CNTNAP2: variants seen among roughly 807,000 people sequenced by gnomAD.
CNTNAP2 encodes the protein contactin associated protein 2.
Under a neutral mutation model 155.2 loss-of-function variants are expected in CNTNAP2, and 98 were observed. The ratio of observed to expected loss-of-function variants is 0.63; its 90% CI spans 0.54 to 0.75. The LOEUF (loss-of-function observed/expected upper bound fraction) is 0.75, where lower values mean the gene tolerates loss of function less well. Among genes scored for constraint, CNTNAP2 ranks in the 30% least tolerant of loss-of-function variants. The pLI, the probability that CNTNAP2 is intolerant of heterozygous loss-of-function variation, is 0.00. For synonymous variants in CNTNAP2, 651 were observed against 631.2 expected (o/e 1.03, Z -0.47); for missense variants, 1,727 against 1,688.1 (o/e 1.02, Z -0.40).
rs146793679 is a variant in CNTNAP2 at position 146,197,300 on chromosome 7, A to G, written c.97+80327A>G. Among the ~76,000 whole-genome samples, 36 of 152,340 alleles carry G rather than the reference A, an allele frequency of 2.4e-4. 1 individual carries two copies. The highest frequency in any genetic ancestry group is 8.7e-4 in the African/African-American group (36 of 41,582). On this transcript the variant is annotated intron_variant, in intron 1 of 23. Transcript: ENST00000361727. ...ATTATTTGTAGGAACTTACTAAAGA[A>G]TGTCTGTTTGCACAAGTTTAAAATT...
chr7:147,025,717 C>T (rs1396842615), intron 3 of CNTNAP2, among the ~76,000 whole-genome samples: 1 of 151,914 alleles, frequency 6.6e-6, no homozygotes, highest in Non-Finnish European at 1.5e-5. Flanking sequence ...AGGCAAAACC[C>T]ATCAAACTTA....
At chr7:147,739,612 G>GA (rs1554429186) in intron 13 of CNTNAP2, among the ~76,000 whole-genome samples, 1 of 151,820 alleles carries the variant, frequency 6.6e-6, no homozygotes, top group Non-Finnish European at 1.5e-5. Flanking sequence ...TTATTTCAGA[G>GA]AAAATCATCC....
At chr7:146,149,857 C>A in intron 1 of CNTNAP2, among the ~76,000 whole-genome samples, 1 of 134,292 alleles carries the variant, frequency 7.4e-6, no homozygotes. Flanking sequence ...CATAGAAACA[C>A]ACAAACAGCA....
At chr7:146,564,635 T>C (rs1330497217) in intron 1 of CNTNAP2, among the ~76,000 whole-genome samples, 2 of 149,958 alleles carry the variant, frequency 1.3e-5, no homozygotes, top group African/African-American at 4.9e-5. Context: ...ATTAAAAATA[T>C]GTATAAACAT....
At chr7:147,626,920 C>A (rs1467882118) in intron 12 of CNTNAP2, among the ~76,000 whole-genome samples, 1 of 152,230 alleles carries the variant, frequency 6.6e-6, no homozygotes, top group East Asian at 1.9e-4. Flanking sequence ...GTCTACCTCA[C>A]TTCGCTGCCA....
In CNTNAP2 at chr7:148,418,989, G is replaced by A. The variant is rs1217766649; in HGVS notation, c.*3373G>A. 6.6e-6 allele frequency: 1 copy of A among 152,254 alleles called. No homozygotes were observed. Among genetic ancestry groups the A allele is most frequent in the Non-Finnish European group, 1.5e-5 (1 of 68,060 alleles). The allele number at this position is 152,254 out of a possible 1,614,324, so 9.4% of individuals were successfully genotyped here. A position where few individuals can be genotyped will look rare whatever the true frequency, so the allele number is the denominator to read the frequency against. On this transcript the variant is annotated 3_prime_UTR_variant, in exon 24 of 24. Transcript: ENST00000361727. ...GAGCTGGGCACAGGCGAAGCCATTG[G>A]AAGCACTTCAGGAACAAGCACACAG...
At chr7:148,071,650 A>T (rs1174187459) in intron 15 of CNTNAP2, among the ~76,000 whole-genome samples, 5 of 152,360 alleles carry the variant, frequency 3.3e-5, no homozygotes, top group Non-Finnish European at 7.3e-5. Context: ...ATTCAGTATC[A>T]TTGGCAACCT....
chr7:146,279,428 A>AC (rs1228035157), intron 1 of CNTNAP2, among the ~76,000 whole-genome samples: 1 of 132,630 alleles, frequency 7.5e-6, no homozygotes, highest in African/African-American at 3.6e-5. Context: ...TCATTTCCTT[A>AC]AACACACACA....
At chr7:146,412,344 G>T (rs1795878901) in intron 1 of CNTNAP2, among the ~76,000 whole-genome samples, 2 of 152,154 alleles carry the variant, frequency 1.3e-5, no homozygotes, top group South Asian at 4.1e-4. Context: ...TCCAATAAAA[G>T]AAAGATTTGG....
intron 20 of CNTNAP2, among the ~76,000 whole-genome samples, chr7:148,241,731 T>C (rs1454489357): frequency 6.6e-6 from 1 of 152,232 alleles, no homozygotes; most frequent in East Asian, 1.9e-4. Context: ...AGAAAATAAG[T>C]TCTAAGCCAT....
At chr7:148,247,625 C>CTATTTATTTATTTATT (rs71527888) in intron 20 of CNTNAP2, among the ~76,000 whole-genome samples, 3 of 105,314 alleles carry the variant, frequency 2.8e-5, no homozygotes, top group African/African-American at 7.7e-5. Context: ...CTCTCTCTCT[C>CTATTTATTTATTTATT]TATTTATTTA....
At chr7:146,407,928 A>G (rs958550945) in intron 1 of CNTNAP2, among the ~76,000 whole-genome samples, 3 of 152,186 alleles carry the variant, frequency 2.0e-5, no homozygotes, top group Non-Finnish European at 4.4e-5. Flanking sequence ...TTTCTTAATA[A>G]TATTTTCTTT....
intron 1 of CNTNAP2, among the ~76,000 whole-genome samples, chr7:146,572,038 C>A (rs995984500): frequency 6.6e-6 from 1 of 152,130 alleles, no homozygotes; most frequent in African/African-American, 2.4e-5. Flanking sequence ...TTCAATAAAA[C>A]GTGAGTTCTG....
At chr7:146,434,910 G>A (rs777681538) in intron 1 of CNTNAP2, among the ~76,000 whole-genome samples, 1 of 152,146 alleles carries the variant, frequency 6.6e-6, no homozygotes, top group East Asian at 1.9e-4. Context: ...ATTCAGGGCC[G>A]CTCTGCAGGG....
intron 8 of CNTNAP2, among the ~76,000 whole-genome samples, chr7:147,183,613 G>C (rs562186153): frequency 2.0e-5 from 3 of 152,238 alleles, no homozygotes; most frequent in African/African-American, 7.2e-5. Flanking sequence ...AAATTAAAAT[G>C]TAACAAAATA....
At chr7:146,950,455 C>T (rs920543389) in intron 3 of CNTNAP2, among the ~76,000 whole-genome samples, 1 of 152,082 alleles carries the variant, frequency 6.6e-6, no homozygotes, top group Non-Finnish European at 1.5e-5. Context: ...TGCCCCCCAC[C>T]ACCAACAGGC....
chr7:146,840,186 G>A (rs925959716), intron 3 of CNTNAP2, among the ~76,000 whole-genome samples: 10 of 152,116 alleles, frequency 6.6e-5, no homozygotes, highest in African/African-American at 2.2e-4. Context: ...CCAGAATCAC[G>A]TAAGTTGAAA....
chr7:146,822,082 G>T (rs985466045), intron 2 of CNTNAP2, among the ~76,000 whole-genome samples: 2 of 152,036 alleles, frequency 1.3e-5, no homozygotes, highest in Non-Finnish European at 2.9e-5. Flanking sequence ...CAAATGTCCA[G>T]CAACGATAGA....
intron 1 of CNTNAP2, among the ~76,000 whole-genome samples, chr7:146,626,520 G>A (rs147619232): frequency 6.6e-6 from 1 of 152,180 alleles, no homozygotes; most frequent in Non-Finnish European, 1.5e-5. Context: ...CTTTAGGCTT[G>A]ATAAGAAAGG....
Sources: allele counts gnomAD v4.1 joint callset (sites outside exome capture counted in the v4.1 genomes callset), GRCh38; gene constraint gnomAD v4.1.1; transcripts MANE v1.5; gene names NCBI Gene and HGNC (gene_info 2026-07-23, HGNC 2026-07-21).